Variants in TRIM33 observed in about 807,000 individuals in gnomAD.
The protein encoded by TRIM33 is E3 ubiquitin-protein ligase TRIM33.
TRIM33 carries 20 observed loss-of-function variants against 125.4 expected under a neutral mutation model. The observed-to-expected ratio is 0.16, with a 90% CI of 0.11 to 0.23. The LOEUF (loss-of-function observed/expected upper bound fraction) is 0.23. TRIM33 is among the 10% of genes least tolerant of loss of function. The pLI is 1.00. For missense variants in TRIM33, 920 were observed against 1,411.4 expected (o/e 0.65, Z 5.58); for synonymous variants, 564 against 513.9 (o/e 1.10, Z -1.32).
chr1:114,427,921 A>G, intron 6 of TRIM33, 27 bp from the exon 7 acceptor site: 1 of 1,608,894 alleles, frequency 6.2e-7, no homozygotes, highest in Middle Eastern at 1.7e-4. Context: ...GCTTCGCTGT[A>G]GAATTCCATA....
intron 1 of TRIM33, among the ~76,000 whole-genome samples, chr1:114,471,507 T>C (rs974768705): frequency 2.7e-5 from 4 of 149,700 alleles, no homozygotes; most frequent in Non-Finnish European, 1.5e-5. Flanking sequence ...ATTAAAAAAT[T>C]AGAAGACCTG....
In TRIM33 at chr1:114,493,306, C is replaced by T. The variant is rs142019981; in HGVS notation, c.526+17245G>A. ...TATTTCACTATCATCCAATACATGA[C>T]TTACAAATACTTTCTCCCATTCTGC... On this transcript the variant is annotated intron_variant, in intron 1 of 19. Transcript: ENST00000358465. 3.9e-5 allele frequency among the ~76,000 whole-genome samples: 6 copies of T among 152,322 alleles called. No homozygotes were observed. In the East Asian group the frequency reaches 1.2e-3, roughly 29 times the overall value.
Position 114,511,062 on chromosome 1 carries a change from T to A in TRIM33, c.15A>T (p.Lys5Asn). The A allele has an allele frequency of 7.7e-7, 1 of 1,293,708 alleles. No individual in the cohort carries two copies. The highest frequency in any genetic ancestry group is 9.8e-7 in the Non-Finnish European group (1 of 1,017,688). 80.1% of individuals were successfully genotyped at this position (1,293,708 alleles called of 1,614,324 possible). A position where few individuals can be genotyped will look rare whatever the true frequency, so the allele number is the denominator to read the frequency against. Reference protein sequence around the residue: MAENKGGGEAESGGG... With the variant: MAENNGGGEAESGGG... ...CGCCGCTCTCAGCCTCGCCGCCGCC[T>A]TTGTTTTCCGCCATGTTTTCCTCTT... The change falls in exon 1 of 20, where the codon AAA becomes AAT. Residue 5 changes from lysine to asparagine, a missense_variant. Coordinates refer to ENST00000358465, the MANE Select transcript of TRIM33 (RefSeq NM_015906.4).
chr1:114,483,414 G>T (rs960850570), intron 1 of TRIM33, among the ~76,000 whole-genome samples: 2 of 150,868 alleles, frequency 1.3e-5, no homozygotes, highest in African/African-American at 4.9e-5. Context: ...AGACCCAGTT[G>T]GGTTTTTTTT....
chr1:114,434,699 A>G (rs897093375), intron 4 of TRIM33, among the ~76,000 whole-genome samples: 1 of 152,248 alleles, frequency 6.6e-6, no homozygotes, highest in African/African-American at 2.4e-5. Flanking sequence ...TACATGGACT[A>G]AAGAATCCAT....
intron 4 of TRIM33, among the ~76,000 whole-genome samples, chr1:114,436,552 A>G (rs1191223284): frequency 6.6e-6 from 1 of 151,732 alleles, no homozygotes; most frequent in Non-Finnish European, 1.5e-5. Context: ...TGCAACCTCC[A>G]CCTCCCAGGT....
chr1:114,490,747 A>G (rs899306165), intron 1 of TRIM33: 10 of 152,222 alleles, frequency 6.6e-5, no homozygotes, highest in African/African-American at 2.4e-4. Flanking sequence ...GTAGTGAGTT[A>G]TCTCAACAGA....
chr1:114,467,080 T>TAG (rs1650348911), intron 1 of TRIM33, among the ~76,000 whole-genome samples: 2 of 152,348 alleles, frequency 1.3e-5, no homozygotes, highest in African/African-American at 4.8e-5. Context: ...TCAACTAACA[T>TAG]GTCTGTGTCT....
chr1:114,510,504 G>A (rs1222295620), intron 1 of TRIM33, 47 bp downstream of exon 1: 2 of 1,439,566 alleles, frequency 1.4e-6, no homozygotes, highest in Middle Eastern at 3.7e-4. Flanking sequence ...CTCTAGGGTT[G>A]CGCAAATCCC....
intron 1 of TRIM33, among the ~76,000 whole-genome samples, chr1:114,492,296 T>C (rs1652116137): frequency 6.6e-6 from 1 of 152,214 alleles, no homozygotes; most frequent in Non-Finnish European, 1.5e-5. Flanking sequence ...GATTTTAAAA[T>C]TTCTAGAAGG....
intron 1 of TRIM33, among the ~76,000 whole-genome samples, chr1:114,500,351 G>A (rs770989168): frequency 9.9e-5 from 15 of 151,918 alleles, no homozygotes; most frequent in East Asian, 5.8e-4. Flanking sequence ...AAGAGATGGC[G>A]GCGTCTCTCT....
At chr1:114,401,262 G>T in intron 17 of TRIM33, 127 bp downstream of exon 17, 1 of 524,294 alleles carries the variant, frequency 1.9e-6, no homozygotes. Context: ...CTGACCTCGT[G>T]ATCCGCCTGC....
intron 1 of TRIM33, chr1:114,468,357 G>C (rs565456359): frequency 3.3e-6 from 1 of 301,938 alleles, no homozygotes; most frequent in Non-Finnish European, 6.4e-6. Flanking sequence ...CTATGACCAA[G>C]AAGTAAAATC....
In TRIM33 at chr1:114,421,595, C is replaced by G. The variant is rs759444094; in HGVS notation, c.1902G>C (p.Ser634=). ...PGHAGPFPVV[S]VHNTTINPTS... ...TTGGGTTGATTGTGGTGTTGTGTAC[C>G]GATACTACGGGAAAGGGTCCAGCAT... The change falls in exon 11 of 20, where the codon TCG becomes TCC. Residue 634 remains serine (S), a synonymous_variant. Coordinates refer to ENST00000358465, the MANE Select transcript of TRIM33 (RefSeq NM_015906.4). The G allele has an allele frequency of 8.7e-6, 14 of 1,613,910 alleles. No individual in the cohort carries two copies. Among genetic ancestry groups the G allele is most frequent in the Non-Finnish European group, 8.5e-7 (1 of 1,179,958 alleles).
intron 1 of TRIM33, among the ~76,000 whole-genome samples, chr1:114,476,689 A>G (rs1412794811): frequency 6.6e-6 from 1 of 152,152 alleles, no homozygotes; most frequent in African/African-American, 2.4e-5. Flanking sequence ...TACTAAGCCT[A>G]TATCAGAAAA....
At chr1:114,428,893 C>T (rs116705091) in intron 6 of TRIM33, among the ~76,000 whole-genome samples, 1 of 151,612 alleles carries the variant, frequency 6.6e-6, no homozygotes, top group African/African-American at 2.4e-5. Context: ...CTCACTCTGT[C>T]CCCCAGGCTG....
At chr1:114,399,680 G>C in intron 17 of TRIM33, 71 bp from the exon 18 acceptor site, 1 of 1,301,848 alleles carries the variant, frequency 7.7e-7, no homozygotes, top group Non-Finnish European at 1.1e-6. Flanking sequence ...AAAATGCATA[G>C]CATATTAATT....
chr1:114,398,533 A>C (rs991199218), intron 18 of TRIM33, among the ~76,000 whole-genome samples: 2 of 152,086 alleles, frequency 1.3e-5, no homozygotes, highest in Non-Finnish European at 2.9e-5. Flanking sequence ...TTACTAATAT[A>C]CTCTGTGCCA....
At chr1:114,411,814 A>G (rs1208331197) in intron 11 of TRIM33, among the ~76,000 whole-genome samples, 2 of 152,226 alleles carry the variant, frequency 1.3e-5, no homozygotes, top group South Asian at 2.1e-4. Context: ...TTCACTAGAC[A>G]TGGATAGTCA....
Sources: gnomAD v4.1 joint callset for allele counts (sites outside exome capture counted in the v4.1 genomes callset) on GRCh38, gnomAD v4.1.1 for gene constraint, MANE v1.5 for transcripts, NCBI Gene and HGNC (gene_info 2026-07-23, HGNC 2026-07-21) for gene names.